Variants in TTC29 observed in about 807,000 individuals in gnomAD.
TTC29 encodes tetratricopeptide repeat domain 29.
A neutral mutation model predicts 58.1 loss-of-function variants in TTC29; 49 were observed. That is an observed-to-expected ratio of 0.84 (90% confidence interval 0.67 to 1.07). TTC29 has a LOEUF of 1.07. TTC29 is among the 50% of genes least tolerant of loss of function. The pLI is 0.00. For synonymous variants in TTC29, 209 were observed against 196.8 expected (o/e 1.06, Z -0.52); for missense variants, 582 against 555.6 (o/e 1.05, Z -0.48).
intron 4 of TTC29, among the ~76,000 whole-genome samples, chr4:146,914,564 A>G (rs542304956): frequency 6.6e-6 from 1 of 152,280 alleles, no homozygotes; most frequent in East Asian, 1.9e-4. Flanking sequence ...TTCATCTGAC[A>G]GGAAAAAAAC....
chr4:146,821,985 G>GTTTTTTTTTTTTTT (rs34100285), intron 9 of TTC29, among the ~76,000 whole-genome samples: 1 of 109,596 alleles, frequency 9.1e-6, no homozygotes, highest in African/African-American at 3.4e-5. Flanking sequence ...CATGTCTAGT[G>GTTTTTTTTTTTTTT]TTTTTTTTTT....
intron 8 of TTC29, among the ~76,000 whole-genome samples, chr4:146,849,856 T>C (rs1015388734): frequency 3.3e-5 from 5 of 152,134 alleles, no homozygotes; most frequent in Non-Finnish European, 5.9e-5. Context: ...CTCGAGTATC[T>C]GCATGGCCCA....
intron 6 of TTC29, among the ~76,000 whole-genome samples, chr4:146,895,715 C>T (rs763110006): frequency 1.3e-5 from 2 of 152,168 alleles, no homozygotes; most frequent in Non-Finnish European, 2.9e-5. Flanking sequence ...TCAACCTTAA[C>T]AATTATGATC....
At chr4:146,715,450 G>T (rs1260916403) in intron 11 of TTC29, among the ~76,000 whole-genome samples, 1 of 152,136 alleles carries the variant, frequency 6.6e-6, no homozygotes, top group Non-Finnish European at 1.5e-5. Flanking sequence ...ATGCAATCCT[G>T]TCATTTGCCA....
chr4:146,922,850 A>C (rs1734687452), intron 4 of TTC29, among the ~76,000 whole-genome samples: 2 of 151,866 alleles, frequency 1.3e-5, no homozygotes, highest in Admixed American at 6.6e-5. Context: ...ACTTTATTGC[A>C]GTAAATATAA....
chr4:146,748,200 C>T (rs773570743), intron 11 of TTC29, among the ~76,000 whole-genome samples: 2 of 152,212 alleles, frequency 1.3e-5, no homozygotes, highest in Non-Finnish European at 2.9e-5. Context: ...CCCTTCTTCC[C>T]TGGAGATACA....
At chr4:146,789,914 A>AT (rs1274913272) in intron 11 of TTC29, among the ~76,000 whole-genome samples, 4 of 152,226 alleles carry the variant, frequency 2.6e-5, no homozygotes, top group African/African-American at 9.6e-5. Flanking sequence ...CAACTGGAAT[A>AT]AAATCTAAAG....
At chr4:146,837,233 T>C (rs1202018684) in intron 8 of TTC29, among the ~76,000 whole-genome samples, 1 of 152,094 alleles carries the variant, frequency 6.6e-6, no homozygotes, top group African/African-American at 2.4e-5. Context: ...TTTAGTAAAC[T>C]AGCACAGAAA....
At chr4:146,903,433 G>T in intron 6 of TTC29, 111 bp downstream of exon 6, 1 of 974,208 alleles carries the variant, frequency 1.0e-6, no homozygotes, top group Non-Finnish European at 1.5e-6. Context: ...TAATATACAT[G>T]ATTATGCTGA....
chr4:146,945,237 A>C (rs1254645342), intron 1 of TTC29, among the ~76,000 whole-genome samples, 160 bp from the exon 2 acceptor site: 3 of 152,226 alleles, frequency 2.0e-5, no homozygotes, highest in Non-Finnish European at 1.5e-5. Context: ...GAAAATCCCC[A>C]AGTATAGATC....
chr4:146,771,294 G>T (rs1025322447), intron 11 of TTC29, among the ~76,000 whole-genome samples: 1 of 152,068 alleles, frequency 6.6e-6, no homozygotes, highest in African/African-American at 2.4e-5. Flanking sequence ...GGGTACATGT[G>T]CAGGTTTGTT....
intron 11 of TTC29, among the ~76,000 whole-genome samples, chr4:146,753,776 C>T (rs1156758883): frequency 6.6e-6 from 1 of 151,988 alleles, no homozygotes; most frequent in Non-Finnish European, 1.5e-5. Flanking sequence ...AAGCTGGAAA[C>T]CATCATTCTC....
chr4:146,915,442 A>G (rs1734160198), intron 4 of TTC29, among the ~76,000 whole-genome samples: 1 of 152,172 alleles, frequency 6.6e-6, no homozygotes, highest in African/African-American at 2.4e-5. Context: ...CCTTCTCTTT[A>G]AAAGGAGAGA....
intron 2 of TTC29, among the ~76,000 whole-genome samples, 159 bp downstream of exon 2, chr4:146,944,872 C>A (rs1227298747): frequency 2.6e-5 from 4 of 151,768 alleles, no homozygotes; most frequent in Non-Finnish European, 4.4e-5. Context: ...TTCTCGGTAT[C>A]ATAATTTTTG....
chr4:146,919,208 C>T (rs769178590), intron 4 of TTC29, among the ~76,000 whole-genome samples: 5 of 151,080 alleles, frequency 3.3e-5, no homozygotes, highest in East Asian at 1.9e-4. Context: ...GATTACAACA[C>T]GACTCCAAAC....
chr4:146,730,008 A>C (rs1048128417), intron 11 of TTC29, among the ~76,000 whole-genome samples: 9 of 152,050 alleles, frequency 5.9e-5, no homozygotes, highest in Non-Finnish European at 1.2e-4. Flanking sequence ...TACAAGCAGA[A>C]GCTAGAATAG....
chr4:146,909,119 G>C lies in TTC29; in HGVS notation c.307C>G (p.Leu103Val), dbSNP rs1733722324. Residue 103 changes from leucine to valine, a missense_variant, in exon 5 of 13, where the codon CTC becomes GTC. Transcript: ENST00000325106. ...TCCAGGGGCTTCTGCAGCCAGAAGA[G>C]GGACCTGACTCTCGCAGCCTCCCTC... is the stretch of plus-strand genomic sequence containing the variant. Reference protein sequence around the residue: ...ALREAARVRSLFWLQKPLEEQ... With the variant: ...ALREAARVRSVFWLQKPLEEQ... 1 of 1,613,882 alleles carries C rather than the reference G, an allele frequency of 6.2e-7. No homozygotes were observed. The highest frequency in any genetic ancestry group is 8.5e-7 in the Non-Finnish European group (1 of 1,179,846).
In TTC29 at chr4:146,707,562, AATACAC is replaced by A; in HGVS notation, c.1331-17_1331-12del. ...ATCCTCTAAACTCTTCTAAAAAAAA[AATACAC>A]AAAGTTAATAGATTATCATGAACAC... is the stretch of plus-strand genomic sequence containing the variant. On this transcript the variant is annotated splice_polypyrimidine_tract_variant and intron_variant, in intron 11 of 12. Coordinates refer to ENST00000325106, the MANE Select transcript of TTC29 (RefSeq NM_031956.4). 1 of 1,580,030 alleles carries A rather than the reference AATACAC, an allele frequency of 6.3e-7. No homozygotes were observed. Among genetic ancestry groups the A allele is most frequent in the Non-Finnish European group, 8.6e-7 (1 of 1,160,662 alleles).
intron 8 of TTC29, among the ~76,000 whole-genome samples, chr4:146,859,606 G>A (rs1295691263): frequency 4.6e-5 from 7 of 152,158 alleles, no homozygotes; most frequent in African/African-American, 1.7e-4. Context: ...AGAGGAATGG[G>A]TTGTGCAAAG....
Sources: allele counts gnomAD v4.1 joint callset (sites outside exome capture counted in the v4.1 genomes callset), GRCh38; gene constraint gnomAD v4.1.1; transcripts MANE v1.5; gene names NCBI Gene and HGNC (gene_info 2026-07-23, HGNC 2026-07-21).